The following NUDT19 variants were observed in gnomAD, a reference collection of about 807,000 sequenced individuals.
NUDT19 encodes the protein nudix hydrolase 19, also known as acyl-coenzyme A diphosphatase NUDT19.
Under a neutral mutation model 22.2 loss-of-function variants are expected in NUDT19, and 31 were observed. The ratio of observed to expected loss-of-function variants is 1.40; its 90% CI spans 1.05 to 1.89. The LOEUF is 1.89. Among genes scored for constraint, NUDT19 ranks in the 40% most tolerant of loss-of-function variants. The pLI is 0.00. For synonymous variants in NUDT19, 325 were observed against 230.8 expected (o/e 1.41, Z -3.70); for missense variants, 752 against 514.2 (o/e 1.46, Z -4.47).
chr19:32,699,327 G>C (rs536723065), intron 1 of NUDT19, among the ~76,000 whole-genome samples: 85 of 152,346 alleles, frequency 5.6e-4, no homozygotes, highest in Admixed American at 7.8e-4. Flanking sequence ...GGTCAGGATA[G>C]ATAGGATAGA....
chr19:32,706,327 A>AGG (rs1210047673), intron 1 of NUDT19, among the ~76,000 whole-genome samples: 1 of 152,154 alleles, frequency 6.6e-6, no homozygotes, highest in African/African-American at 2.4e-5. Flanking sequence ...ATTTGGAGAG[A>AGG]GAGAGAGAGA....
At position 32,692,676 on chromosome 19, in the gene NUDT19, TA is replaced by T; in HGVS notation, c.714+4del. ...TTGGCGGAGGTGGTGGGCTACCAGGTAAGGCCTGCTCAGGGCCTTGCTGCGG... is the reference window on the plus strand; with the variant it reads ...TTGGCGGAGGTGGTGGGCTACCAGGTAGGCCTGCTCAGGGCCTTGCTGCGG... On this transcript the variant is annotated splice_donor_region_variant and intron_variant, in intron 1 of 2. Coordinates refer to ENST00000397061, the MANE Select transcript of NUDT19 (RefSeq NM_001105570.2). The T allele has an allele frequency of 1.3e-6, 2 of 1,493,036 alleles. No individual in the cohort carries two copies. The highest frequency in any genetic ancestry group is 1.8e-6 in the Non-Finnish European group (2 of 1,129,354). 92.5% of individuals were successfully genotyped at this position (1,493,036 alleles called of 1,614,324 possible). A position where few individuals can be genotyped will look rare whatever the true frequency, so the allele number is the denominator to read the frequency against.
chr19:32,703,552 T>A (rs1156636792), intron 1 of NUDT19, among the ~76,000 whole-genome samples: 1 of 151,320 alleles, frequency 6.6e-6, no homozygotes, highest in Non-Finnish European at 1.5e-5. Context: ...TTTCTCCATG[T>A]TGGTCAGGCT....
chr19:32,693,880 A>G (rs1233597251), intron 1 of NUDT19, among the ~76,000 whole-genome samples: 2 of 152,192 alleles, frequency 1.3e-5, no homozygotes, highest in African/African-American at 4.8e-5. Flanking sequence ...AGGGCACCCC[A>G]TCTGCTGTTG....
intron 1 of NUDT19, among the ~76,000 whole-genome samples, chr19:32,702,584 G>A (rs1013751441): frequency 2.0e-5 from 3 of 152,088 alleles, no homozygotes; most frequent in African/African-American, 7.2e-5. Context: ...CTCCAGCCTG[G>A]GTGACAGAGC....
In NUDT19 at chr19:32,692,227, C is replaced by T. The variant is rs539307665; in HGVS notation, c.267C>T (p.Phe89=). Residue 89 remains phenylalanine (F), a synonymous_variant, in exon 1 of 3, where the codon TTC becomes TTT. Coordinates refer to ENST00000397061, the MANE Select transcript of NUDT19 (RefSeq NM_001105570.2). The part of the protein sequence containing the change: ...LFAPHHGPPR[F]GLGPAPFSRT... ...CGCCGCACCACGGGCCGCCGCGCTT[C>T]GGCCTGGGCCCGGCGCCATTCAGCC... The T allele has an allele frequency of 2.0e-5, 32 of 1,585,498 alleles. No homozygotes were observed. In the African/African-American group the frequency reaches 2.5e-4, roughly 12 times the overall value.
rs1827699 is a variant in NUDT19, at chr19:32,706,119, C to T, written c.715-3066C>T. 8.1e-4 allele frequency among the ~76,000 whole-genome samples: 124 copies of T among 152,228 alleles called. 1 individual carries two copies. Among genetic ancestry groups the T allele is most frequent in the Admixed American group, 5.5e-3 (84 of 15,272 alleles). ...TACTAATAATAGGAAAAAAAAGAGGCATCATTCTTTCCTGGTCTCATGTGG... is the reference window on the plus strand; with the variant it reads ...TACTAATAATAGGAAAAAAAAGAGGTATCATTCTTTCCTGGTCTCATGTGG... On this transcript the variant is annotated intron_variant, in intron 1 of 2. Coordinates refer to ENST00000397061, the MANE Select transcript of NUDT19 (RefSeq NM_001105570.2).
chr19:32,701,486 C>G (rs1324683620), intron 1 of NUDT19, among the ~76,000 whole-genome samples: 2 of 152,178 alleles, frequency 1.3e-5, no homozygotes, highest in Non-Finnish European at 2.9e-5. Context: ...GCGTGAGCCA[C>G]TGTGCCTGGC....
chr19:32,699,108 A>G (rs1275748842), intron 1 of NUDT19, among the ~76,000 whole-genome samples: 1 of 152,142 alleles, frequency 6.6e-6, no homozygotes, highest in Non-Finnish European at 1.5e-5. Flanking sequence ...CCCCCCTACG[A>G]TGGGGCTTTG....
chr19:32,701,376 T>C (rs1968334548), intron 1 of NUDT19, among the ~76,000 whole-genome samples: 1 of 152,000 alleles, frequency 6.6e-6, no homozygotes, highest in Non-Finnish European at 1.5e-5. Context: ...TAGCTAATTT[T>C]TGTATTTTTA....
rs376344414 is a variant in NUDT19, at chr19:32,692,557, C to T, written c.597C>T (p.Ala199=). 3 of 1,598,026 alleles carry T rather than the reference C, an allele frequency of 1.9e-6. No individual in the cohort carries two copies. The highest frequency in any genetic ancestry group is 2.6e-6 in the Non-Finnish European group (3 of 1,174,218). ...PDIWALHNWS[A]WLTPFLRGTT... The stretch of plus-strand genomic sequence containing the variant: ...TCTGGGCGCTGCACAACTGGAGCGC[C>T]TGGCTCACCCCTTTCTTGCGGGGCA... The change falls in exon 1 of 3, where the codon GCC becomes GCT. Residue 199 remains alanine, a synonymous_variant. Transcript: ENST00000397061.
At position 32,712,080 on chromosome 19, in the gene NUDT19, C is replaced by G. The variant is rs1386944331; in HGVS notation, c.*123C>G. On this transcript the variant is annotated 3_prime_UTR_variant, in exon 3 of 3. Coordinates refer to ENST00000397061, the MANE Select transcript of NUDT19 (RefSeq NM_001105570.2). The stretch of plus-strand genomic sequence containing the variant: ...TAAAAGTTACTGCAATTCAGTATTT[C>G]TTTATTTTTTTCGAGACAGAGTCTC... The G allele has an allele frequency of 5.6e-6, 4 of 720,688 alleles. No individual in the cohort carries two copies. The African/African-American group carries it at 7.1e-5, about 13-fold the overall frequency. 44.6% of individuals were successfully genotyped at this position (720,688 alleles called of 1,614,324 possible).
At chr19:32,705,405 C>G (rs1213965158) in intron 1 of NUDT19, among the ~76,000 whole-genome samples, 1 of 149,510 alleles carries the variant, frequency 6.7e-6, no homozygotes. Flanking sequence ...GCCTGGGTGA[C>G]AGAGCGAGAC....
chr19:32,701,199 G>GT (rs3042685), intron 1 of NUDT19, among the ~76,000 whole-genome samples: 4,896 of 100,966 alleles, frequency 0.048, 326 homozygotes, highest in East Asian at 0.22. Flanking sequence ...CATCTTGCAG[G>GT]TTTTTTTTTT....
chr19:32,701,178 G>A (rs544785946), intron 1 of NUDT19, among the ~76,000 whole-genome samples: 1 of 144,216 alleles, frequency 6.9e-6, no homozygotes, highest in South Asian at 2.2e-4. Context: ...ATTAGGTTGA[G>A]TTGTTCATAG....
Position 32,713,426 on chromosome 19 carries a change from G to A in NUDT19, c.*1469G>A, listed in dbSNP as rs1178242362. 6.6e-6 allele frequency: 1 copy of A among 152,192 alleles called. No homozygotes were observed. The highest frequency in any genetic ancestry group is 1.9e-4 in the East Asian group (1 of 5,190). The allele number at this position is 152,192 out of a possible 1,614,324, so 9.4% of individuals were successfully genotyped here. Reference sequence around the variant, plus strand: ...TCTGCCCACCTTGGCCTCACAAAGTGCTGAGATTACAGGCTTGAGCCACCA... The same window carrying A: ...TCTGCCCACCTTGGCCTCACAAAGTACTGAGATTACAGGCTTGAGCCACCA... On this transcript the variant is annotated 3_prime_UTR_variant, in exon 3 of 3. Coordinates refer to ENST00000397061, the MANE Select transcript of NUDT19 (RefSeq NM_001105570.2).
In NUDT19 at chr19:32,713,164, A is replaced by G. The variant is rs932480211; in HGVS notation, c.*1207A>G. 6.6e-6 allele frequency: 1 copy of G among 151,880 alleles called. No homozygotes were observed. 9.4% of individuals were successfully genotyped at this position (151,880 alleles called of 1,614,324 possible). Reference sequence around the variant, plus strand: ...TTAACATTTTATTTTATTTTATTCTATTTTATTTATTTTTGAGACAGAGTC... The same window carrying G: ...TTAACATTTTATTTTATTTTATTCTGTTTTATTTATTTTTGAGACAGAGTC... On this transcript the variant is annotated 3_prime_UTR_variant, in exon 3 of 3. Coordinates refer to ENST00000397061, the MANE Select transcript of NUDT19 (RefSeq NM_001105570.2).
intron 1 of NUDT19, among the ~76,000 whole-genome samples, chr19:32,696,763 G>A (rs1027081384): frequency 2.0e-5 from 3 of 152,148 alleles, no homozygotes; most frequent in Non-Finnish European, 4.4e-5. Context: ...AGGATTCCTC[G>A]GATGGTAACA....
chr19:32,702,313 G>A (rs1968344112), intron 1 of NUDT19, among the ~76,000 whole-genome samples: 1 of 152,214 alleles, frequency 6.6e-6, no homozygotes, highest in African/African-American at 2.4e-5. Flanking sequence ...GACCACATGA[G>A]TAAACAAGCT....
Sources: gnomAD v4.1 joint callset for allele counts (sites outside exome capture counted in the v4.1 genomes callset) on GRCh38, gnomAD v4.1.1 for gene constraint, MANE v1.5 for transcripts, NCBI Gene and HGNC (gene_info 2026-07-23, HGNC 2026-07-21) for gene names.